The following KAZN variants were observed in gnomAD, a reference collection of about 807,000 sequenced individuals.
KAZN encodes kazrin.
In KAZN, 40 loss-of-function variants were observed where a neutral mutation model predicts 87.4. The observed-to-expected ratio is 0.46, with a 90% CI of 0.36 to 0.60. KAZN has a LOEUF of 0.60. Among genes scored for constraint, KAZN ranks in the 20% least tolerant of loss-of-function variants. The pLI, the probability that KAZN is intolerant of heterozygous loss-of-function variation, is 0.00. For synonymous variants in KAZN, 466 were observed against 458.3 expected (o/e 1.02, Z -0.22); for missense variants, 898 against 1,073.9 (o/e 0.84, Z 2.29).
At chr1:14,776,716 C>T (rs1222979015) in intron 1 of KAZN, among the ~76,000 whole-genome samples, 1 of 152,164 alleles carries the variant, frequency 6.6e-6, no homozygotes, top group South Asian at 2.1e-4. Context: ...TGCTTGAGCT[C>T]GGGAGTTGGA....
intron 2 of KAZN, among the ~76,000 whole-genome samples, chr1:14,514,417 T>TTATATATATTATATATATAA (rs1671139185): frequency 1.9e-4 from 2 of 10,700 alleles, no homozygotes; most frequent in African/African-American, 5.4e-4. Context: ...AATATATAAA[T>TTATATATATTATATATATAA]ATATATATAA....
chr1:13,895,968 A>C (rs1193706843), intron 1 of KAZN, among the ~76,000 whole-genome samples: 1 of 150,976 alleles, frequency 6.6e-6, no homozygotes, highest in Non-Finnish European at 1.5e-5. Flanking sequence ...GTTTTACATA[A>C]ACTATCTCCT....
chr1:14,387,639 C>T (rs1662045571), intron 2 of KAZN, among the ~76,000 whole-genome samples: 1 of 152,144 alleles, frequency 6.6e-6, no homozygotes, highest in South Asian at 2.1e-4. Flanking sequence ...GTTCAGGGGT[C>T]AGGGACCCAC....
chr1:14,401,427 A>G (rs1663400675), intron 2 of KAZN, among the ~76,000 whole-genome samples: 1 of 151,946 alleles, frequency 6.6e-6, no homozygotes, highest in South Asian at 2.1e-4. Flanking sequence ...AAAATTCTAA[A>G]TAAGAGCAAA....
intron 1 of KAZN, among the ~76,000 whole-genome samples, chr1:13,996,757 A>T (rs1391764729): frequency 2.0e-5 from 3 of 152,164 alleles, no homozygotes; most frequent in African/African-American, 7.2e-5. Context: ...AGACCAGCAG[A>T]CTTAGCCTTT....
At chr1:14,628,782 C>A (rs1679332995) in intron 1 of KAZN, among the ~76,000 whole-genome samples, 2 of 152,094 alleles carry the variant, frequency 1.3e-5, no homozygotes, top group Non-Finnish European at 2.9e-5. Flanking sequence ...GCTACCAACA[C>A]CTCTTGCTTC....
chr1:14,387,608 C>T (rs1223686249), intron 2 of KAZN, among the ~76,000 whole-genome samples: 1 of 152,174 alleles, frequency 6.6e-6, no homozygotes, highest in Admixed American at 6.5e-5. Flanking sequence ...TGGGGGGTGC[C>T]TCCCAGTTAG....
intron 2 of KAZN, among the ~76,000 whole-genome samples, chr1:14,410,997 C>T (rs917740974): frequency 2.0e-5 from 3 of 152,112 alleles, no homozygotes; most frequent in Non-Finnish European, 4.4e-5. Flanking sequence ...GTTTCAGCAT[C>T]CCTAGGAAAC....
chr1:14,826,525 G>A (rs1446734674), intron 1 of KAZN, among the ~76,000 whole-genome samples: 2 of 152,178 alleles, frequency 1.3e-5, no homozygotes, highest in African/African-American at 4.8e-5. Flanking sequence ...GCTCCTGGGG[G>A]CGGCTGATGG....
chr1:14,808,374 G>T (rs12058489), intron 1 of KAZN, among the ~76,000 whole-genome samples: 1 of 141,600 alleles, frequency 7.1e-6, no homozygotes, highest in Non-Finnish European at 1.5e-5. Context: ...TCAGTTCACC[G>T]CAACCTCTGC....
chr1:14,918,280 C>T (rs892843397), intron 1 of KAZN, among the ~76,000 whole-genome samples: 3 of 152,038 alleles, frequency 2.0e-5, no homozygotes, highest in African/African-American at 4.8e-5. Flanking sequence ...TCTTCTTGCA[C>T]ACCTTCTCTT....
chr1:14,870,086 G>A (rs945368333), intron 1 of KAZN, among the ~76,000 whole-genome samples: 1 of 152,188 alleles, frequency 6.6e-6, no homozygotes, highest in Non-Finnish European at 1.5e-5. Flanking sequence ...GAAAATCCCA[G>A]TATCTGTCCA....
At chr1:15,023,904 G>GT (rs1670929430) in intron 2 of KAZN, among the ~76,000 whole-genome samples, 1 of 144,600 alleles carries the variant, frequency 6.9e-6, no homozygotes, top group South Asian at 2.5e-4. Flanking sequence ...TATGAGAAAA[G>GT]TTTGGGGGGG....
chr1:14,631,235 C>T (rs908925239), intron 1 of KAZN, among the ~76,000 whole-genome samples: 3 of 152,156 alleles, frequency 2.0e-5, no homozygotes, highest in Non-Finnish European at 2.9e-5. Flanking sequence ...ATTAAAAGGG[C>T]GGAGCTGCCA....
At chr1:14,824,981 C>T (rs1352984499) in intron 1 of KAZN, among the ~76,000 whole-genome samples, 1 of 152,242 alleles carries the variant, frequency 6.6e-6, no homozygotes, top group Non-Finnish European at 1.5e-5. Flanking sequence ...GTTTGCACGG[C>T]CCCCTCTCTG....
At chr1:14,915,276 A>G (rs144193743) in intron 1 of KAZN, among the ~76,000 whole-genome samples, 437 of 152,324 alleles carry the variant, frequency 2.9e-3, no homozygotes, top group Non-Finnish European at 4.9e-3. Context: ...ATGATTATAT[A>G]TCTGTGCATT....
intron 1 of KAZN, among the ~76,000 whole-genome samples, chr1:14,057,041 C>T (rs1193447039): frequency 9.0e-6 from 1 of 110,978 alleles, no homozygotes; most frequent in African/African-American, 5.2e-5. Context: ...GAGACCCTGT[C>T]TCAAAAAAAA....
chr1:14,987,982 A>C (rs975314734), intron 2 of KAZN, among the ~76,000 whole-genome samples: 1 of 152,202 alleles, frequency 6.6e-6, no homozygotes, highest in African/African-American at 2.4e-5. Context: ...CTTGAGCACC[A>C]GGTGCAAGTG....
intron 1 of KAZN, among the ~76,000 whole-genome samples, chr1:14,070,425 C>T (rs764878821): frequency 2.6e-5 from 4 of 151,908 alleles, no homozygotes; most frequent in African/African-American, 7.3e-5. Context: ...ATCAGAAATT[C>T]AGTAGTGGTG....
Sources: gnomAD v4.1 joint callset for allele counts (sites outside exome capture counted in the v4.1 genomes callset) on GRCh38, gnomAD v4.1.1 for gene constraint, MANE v1.5 for transcripts, NCBI Gene and HGNC (gene_info 2026-07-23, HGNC 2026-07-21) for gene names.